The following AUH variants were observed in gnomAD, a reference collection of about 807,000 sequenced individuals.
The protein encoded by AUH is methylglutaconyl-CoA hydratase, mitochondrial.
A neutral mutation model predicts 42.3 loss-of-function variants in AUH; 29 were observed. That is an observed-to-expected ratio of 0.69 (90% CI 0.51 to 0.93). The LOEUF is 0.93. Among genes scored for constraint, AUH ranks in the 40% least tolerant of loss-of-function variants. The probability of loss-of-function intolerance (pLI) is 0.00; values close to 1 mark genes in which losing one functional copy is unlikely to be tolerated. For missense variants in AUH, 452 were observed against 438.1 expected (o/e 1.03, Z -0.28); for synonymous variants, 174 against 166.4 (o/e 1.05, Z -0.35).
At chr9:91,314,186 A>C (rs1463204477) in intron 4 of AUH, among the ~76,000 whole-genome samples, 2 of 152,104 alleles carry the variant, frequency 1.3e-5, no homozygotes, top group Non-Finnish European at 2.9e-5. Flanking sequence ...AAAAAGTTTC[A>C]AGAAAAGTTT....
At chr9:91,325,864 A>G (rs990715635) in intron 3 of AUH, among the ~76,000 whole-genome samples, 2 of 152,186 alleles carry the variant, frequency 1.3e-5, no homozygotes, top group Non-Finnish European at 2.9e-5. Context: ...GTGTATTAGC[A>G]CAAATGCCAA....
intron 6 of AUH, among the ~76,000 whole-genome samples, chr9:91,243,877 TCAAA>T (rs1207306973): frequency 6.6e-6 from 1 of 152,202 alleles, no homozygotes; most frequent in Non-Finnish European, 1.5e-5. Context: ...GGGAAAATCA[TCAAA>T]CACTCTGTAA....
At chr9:91,245,968 G>A (rs1394876980) in intron 6 of AUH, among the ~76,000 whole-genome samples, 1 of 152,176 alleles carries the variant, frequency 6.6e-6, no homozygotes, top group Non-Finnish European at 1.5e-5. Flanking sequence ...GAGACCTACT[G>A]TCCTAAAATG....
chr9:91,238,748 T>G (rs1465550056), intron 6 of AUH, among the ~76,000 whole-genome samples: 2 of 152,218 alleles, frequency 1.3e-5, no homozygotes, highest in Non-Finnish European at 2.9e-5. Context: ...ACAACTTACT[T>G]TGAGGTAGCA....
chr9:91,347,437 T>G (rs1831605769), intron 3 of AUH, among the ~76,000 whole-genome samples: 1 of 152,190 alleles, frequency 6.6e-6, no homozygotes, highest in African/African-American at 2.4e-5. Context: ...CACTGGCCAC[T>G]GGTAACTGAG....
chr9:91,285,734 C>T (rs1826351134), intron 6 of AUH, among the ~76,000 whole-genome samples: 1 of 152,112 alleles, frequency 6.6e-6, no homozygotes, highest in East Asian at 1.9e-4. Flanking sequence ...CCAAACCACC[C>T]TAATTACACA....
chr9:91,343,142 G>C (rs1831229685), intron 3 of AUH: 1 of 152,046 alleles, frequency 6.6e-6, no homozygotes, highest in Admixed American at 6.6e-5. Flanking sequence ...GAGAAGTCAA[G>C]TTATAGGAGG....
chr9:91,301,291 C>T (rs1203782552), intron 4 of AUH, among the ~76,000 whole-genome samples: 4 of 152,178 alleles, frequency 2.6e-5, no homozygotes, highest in Non-Finnish European at 5.9e-5. Flanking sequence ...TGGTCTTCAT[C>T]CCTGTTTCCA....
intron 4 of AUH, among the ~76,000 whole-genome samples, chr9:91,300,369 C>T (rs968029547): frequency 6.6e-6 from 1 of 152,156 alleles, no homozygotes; most frequent in Non-Finnish European, 1.5e-5. Flanking sequence ...TCTTCTCAAT[C>T]CTTCTTCTAG....
rs78333284 is a variant in AUH at position 91,315,797 on chromosome 9, G to A, written c.505+9521C>T. On this transcript the variant is annotated intron_variant, in intron 4 of 9. Transcript: ENST00000375731. ...TCAGAACTAACACCTGTCTGCCACC[G>A]AGCTCTTCAACTATCCTTCCACCTG... Among the ~76,000 whole-genome samples the A allele has an allele frequency of 8.7e-4, 132 of 152,050 alleles. 3 individuals are homozygous for A. In the East Asian group the frequency reaches 0.02, roughly 23 times the overall value.
chr9:91,238,332 G>C (rs1392241482), intron 6 of AUH, among the ~76,000 whole-genome samples: 6 of 152,204 alleles, frequency 3.9e-5, no homozygotes, highest in Non-Finnish European at 8.8e-5. Flanking sequence ...GGAAAAGGGG[G>C]AATGGGAAGG....
chr9:91,235,267 G>A (rs1445076025), intron 6 of AUH, among the ~76,000 whole-genome samples: 1 of 152,186 alleles, frequency 6.6e-6, no homozygotes, highest in Non-Finnish European at 1.5e-5. Flanking sequence ...AAGTACAACA[G>A]GATGGCAGCT....
intron 1 of AUH, among the ~76,000 whole-genome samples, chr9:91,358,931 T>G (rs1327494270): frequency 1.3e-5 from 2 of 151,428 alleles, no homozygotes; most frequent in African/African-American, 2.4e-5. Context: ...AGTCTAAAAG[T>G]TTTTTTTTAT....
At chr9:91,315,657 G>A (rs911287639) in intron 4 of AUH, among the ~76,000 whole-genome samples, 1 of 152,110 alleles carries the variant, frequency 6.6e-6, no homozygotes, top group Non-Finnish European at 1.5e-5. Context: ...CAAGATAGAT[G>A]AATCTTCTAA....
At chr9:91,356,288 C>A in intron 1 of AUH, 133 bp from the exon 2 acceptor site, 2 of 758,098 alleles carry the variant, frequency 2.6e-6, no homozygotes, top group South Asian at 3.1e-5. Context: ...TCCCTTCAAT[C>A]GATCTCTTCT....
At chr9:91,354,507 G>T (rs1832257585) in intron 3 of AUH, among the ~76,000 whole-genome samples, 1 of 152,204 alleles carries the variant, frequency 6.6e-6, no homozygotes. Context: ...CACAAACTGT[G>T]CTAAAGCATT....
intron 4 of AUH, among the ~76,000 whole-genome samples, chr9:91,322,553 A>C (rs1406983151): frequency 3.3e-5 from 5 of 152,228 alleles, no homozygotes; most frequent in East Asian, 3.8e-4. Context: ...AATTCTAAGA[A>C]AGTGAGAAAA....
Position 91,294,775 on chromosome 9 carries a change from C to G in AUH, c.655+1246G>C, listed in dbSNP as rs759123352. The G allele has an allele frequency of 6.6e-6, 3 of 455,450 alleles. No homozygotes were observed. In the Middle Eastern group the frequency reaches 1.1e-3, roughly 174 times the overall value. The allele number at this position is 455,450 out of a possible 1,614,324, so 28.2% of individuals were successfully genotyped here. A position where few individuals can be genotyped will look rare whatever the true frequency, so the allele number is the denominator to read the frequency against. On this transcript the variant is annotated intron_variant, in intron 6 of 9. Transcript: ENST00000375731. Reference sequence around the variant, plus strand: ...TCTTCATGGATGACTTGGAGGGATTCAAGACTTCAGTGGAGGAAGTCACTA... The same window carrying G: ...TCTTCATGGATGACTTGGAGGGATTGAAGACTTCAGTGGAGGAAGTCACTA...
At chr9:91,325,285 G>T in intron 4 of AUH, 33 bp downstream of exon 4, 2 of 1,559,444 alleles carry the variant, frequency 1.3e-6, no homozygotes, top group South Asian at 1.1e-5. Flanking sequence ...GAACCCCTTC[G>T]GCATGCTGAA....
Sources: gnomAD v4.1 joint callset for allele counts (sites outside exome capture counted in the v4.1 genomes callset) on GRCh38, gnomAD v4.1.1 for gene constraint, MANE v1.5 for transcripts, NCBI Gene and HGNC (gene_info 2026-07-23, HGNC 2026-07-21) for gene names.